Variants in SNX29 observed in about 807,000 individuals in gnomAD.
SNX29 encodes the protein sorting nexin 29.
Under a neutral mutation model 102.1 loss-of-function variants are expected in SNX29, and 78 were observed. The ratio of observed to expected loss-of-function variants is 0.76; its 90% CI spans 0.64 to 0.92. The LOEUF (loss-of-function observed/expected upper bound fraction) is 0.92. Ranked by LOEUF, SNX29 falls within the 40% of genes least tolerant of loss-of-function variation. SNX29 has a pLI of 0.00. For missense variants in SNX29, 1,280 were observed against 1,061.7 expected, an observed-to-expected ratio of 1.21 and a Z score of -2.86; for synonymous variants, 580 against 414.5, an observed-to-expected ratio of 1.40 and a Z score of -4.85.
intron 20 of SNX29, among the ~76,000 whole-genome samples, chr16:12,568,279 C>A: frequency 6.9e-6 from 1 of 144,274 alleles, no homozygotes; most frequent in South Asian, 2.2e-4. Flanking sequence ...CACAGCCAAG[C>A]TTGGTTGGAG....
chr16:12,295,515 C>T (rs1300937692), intron 15 of SNX29, among the ~76,000 whole-genome samples: 1 of 152,220 alleles, frequency 6.6e-6, no homozygotes, highest in Admixed American at 6.5e-5. Context: ...GACGAAGGTA[C>T]ATTTTACCTC....
intron 11 of SNX29, among the ~76,000 whole-genome samples, chr16:12,116,710 A>G (rs1007542244): frequency 6.6e-6 from 1 of 152,234 alleles, no homozygotes; most frequent in South Asian, 2.1e-4. Context: ...ACATGCTTCA[A>G]CGTGGATGAA....
intron 12 of SNX29, 108 bp from the exon 13 acceptor site, chr16:12,129,522 T>C (rs1191758619): frequency 3.5e-5 from 48 of 1,373,086 alleles, no homozygotes; most frequent in Non-Finnish European, 3.9e-5. Context: ...ATGCAGAGCC[T>C]TGTGGAAAAC....
rs181639741 is a variant in SNX29, at chr16:12,457,065, C to T, written c.2038-20654C>T. On this transcript the variant is annotated intron_variant, in intron 18 of 20. Transcript: ENST00000566228. ...CAGTAAGCTGTGATGTCAGACCAGA[C>T]CCCTTTACCCTTTTCTTCTCCTTAC... Among the ~76,000 whole-genome samples the T allele has an allele frequency of 3.3e-3, 496 of 152,322 alleles. 3 individuals are homozygous for T. The highest frequency in any genetic ancestry group is 5.2e-3 in the Non-Finnish European group (351 of 68,028).
chr16:12,123,848 A>G (rs2054088728), intron 11 of SNX29, among the ~76,000 whole-genome samples: 3 of 152,210 alleles, frequency 2.0e-5, no homozygotes, highest in African/African-American at 7.2e-5. Flanking sequence ...GTCTCTGTCA[A>G]AACAACTCAT....
At chr16:12,274,060 A>G (rs769404938) in intron 14 of SNX29, among the ~76,000 whole-genome samples, 59 of 152,168 alleles carry the variant, frequency 3.9e-4, no homozygotes, top group Non-Finnish European at 7.1e-4. Flanking sequence ...TGCATCCCCT[A>G]TATCTTGGGA....
At position 12,570,431 on chromosome 16, in the gene SNX29, T is replaced by G. The variant is rs149343231; in HGVS notation, c.*1802T>G. ...AGCTCACATGACTGGCAACTCTAAA[T>G]AGAGAGCCCTAATGGACTGAGGCAG... On this transcript the variant is annotated 3_prime_UTR_variant, in exon 21 of 21. Transcript: ENST00000566228. 18 of 246,424 alleles carry G rather than the reference T, an allele frequency of 7.3e-5. No homozygotes were observed. Among genetic ancestry groups the G allele is most frequent in the African/African-American group, 3.1e-4 (14 of 45,606 alleles). 15.3% of individuals were successfully genotyped at this position (246,424 alleles called of 1,614,324 possible).
At chr16:12,476,420 A>ATATATATATATATATATACG (rs2087638211) in intron 18 of SNX29, among the ~76,000 whole-genome samples, 1 of 56,114 alleles carries the variant, frequency 1.8e-5, no homozygotes, top group African/African-American at 6.3e-5. Flanking sequence ...ATACATATAT[A>ATATATATATATATATATACG]TATATATATA....
rs1465810570 is a variant in SNX29, at chr16:12,045,679, T to G, written c.429-705T>G. Among the ~76,000 whole-genome samples, 71 of 150,426 alleles carry G rather than the reference T, an allele frequency of 4.7e-4. 1 individual carries two copies. The highest frequency in any genetic ancestry group is 4.7e-3 in the Admixed American group (70 of 14,986). ...TGGAGTCTTGCTCTTTCGCCCAAGCTGGAGTACAGTGGCGCGATCTCTGCT... is the reference window on the plus strand; with the variant it reads ...TGGAGTCTTGCTCTTTCGCCCAAGCGGGAGTACAGTGGCGCGATCTCTGCT... On this transcript the variant is annotated intron_variant, in intron 5 of 20. Coordinates refer to ENST00000566228, the MANE Select transcript of SNX29 (RefSeq NM_032167.5).
intron 16 of SNX29, among the ~76,000 whole-genome samples, chr16:12,358,899 G>T (rs551797111): frequency 3.3e-5 from 5 of 152,212 alleles, no homozygotes; most frequent in Non-Finnish European, 7.3e-5. Flanking sequence ...TGGAAGCTCC[G>T]CACCGCTTCC....
chr16:12,425,078 C>G (rs1312517397), intron 18 of SNX29, among the ~76,000 whole-genome samples: 1 of 152,142 alleles, frequency 6.6e-6, no homozygotes, highest in Non-Finnish European at 1.5e-5. Flanking sequence ...AAACTAGGTA[C>G]AAAAAGATAC....
At position 12,571,618 on chromosome 16, in the gene SNX29, A is replaced by C. The variant is rs2079189360; in HGVS notation, c.*2989A>C. 5 of 1,059,102 alleles carry C rather than the reference A, an allele frequency of 4.7e-6. No individual in the cohort carries two copies. The highest frequency in any genetic ancestry group is 4.6e-5 in the South Asian group (1 of 21,910). The allele number at this position is 1,059,102 out of a possible 1,614,324, so 65.6% of individuals were successfully genotyped here. ...AACAGAACAGCAGGTTCCATCTTTC[A>C]CATCTTTTTTTCTCCCCCAGATGAA... is the stretch of plus-strand genomic sequence containing the variant. On this transcript the variant is annotated 3_prime_UTR_variant, in exon 21 of 21. Transcript: ENST00000566228.
intron 15 of SNX29, among the ~76,000 whole-genome samples, chr16:12,299,184 C>A (rs2080079891): frequency 1.3e-5 from 2 of 151,994 alleles, no homozygotes; most frequent in African/African-American, 2.4e-5. Flanking sequence ...CTTGTAATCT[C>A]AGCTACTGAG....
intron 18 of SNX29, among the ~76,000 whole-genome samples, chr16:12,452,093 G>C (rs1292789466): frequency 1.3e-5 from 2 of 152,142 alleles, no homozygotes; most frequent in Admixed American, 1.3e-4. Flanking sequence ...TAGGGTGCTG[G>C]ACCCACCCTG....
At chr16:12,286,821 A>G (rs186432370) in intron 15 of SNX29, among the ~76,000 whole-genome samples, 1 of 152,246 alleles carries the variant, frequency 6.6e-6, no homozygotes, top group African/African-American at 2.4e-5. Flanking sequence ...TGGTATTTTG[A>G]AGAAAATCCC....
rs201240696 is a variant in SNX29 at position 12,449,355 on chromosome 16, G to C, written c.2038-28364G>C. ...CGGTGGGGACAAGCAGAGGGAACAG[G>C]CTTGAGAATAGGCACGGCAAGGACA... On this transcript the variant is annotated intron_variant, in intron 18 of 20. Transcript: ENST00000566228. Among the ~76,000 whole-genome samples, 1,432 of 151,988 alleles carry C rather than the reference G, an allele frequency of 9.4e-3. 82 individuals carry two copies. In the East Asian group the frequency reaches 0.16, roughly 17 times the overall value.
intron 18 of SNX29, among the ~76,000 whole-genome samples, chr16:12,456,908 A>G (rs575864794): frequency 6.6e-6 from 1 of 152,126 alleles, no homozygotes; most frequent in Non-Finnish European, 1.5e-5. Flanking sequence ...GGGCATTAGC[A>G]TCTTGTCTGC....
chr16:12,568,074 A>G (rs1490775664), intron 20 of SNX29, among the ~76,000 whole-genome samples: 1 of 152,170 alleles, frequency 6.6e-6, no homozygotes, highest in Non-Finnish European at 1.5e-5. Context: ...TTAATTCCAC[A>G]GGAAGTCCGT....
chr16:12,087,437 G>A (rs1422234273), intron 11 of SNX29: 1 of 195,132 alleles, frequency 5.1e-6, no homozygotes, highest in Non-Finnish European at 1.1e-5. Context: ...GATTAATAAA[G>A]TAAATAAAAA....
Sources: gnomAD v4.1 joint callset for allele counts (sites outside exome capture counted in the v4.1 genomes callset) on GRCh38, gnomAD v4.1.1 for gene constraint, MANE v1.5 for transcripts, NCBI Gene and HGNC (gene_info 2026-07-23, HGNC 2026-07-21) for gene names.